The following IQGAP1 variants were observed in gnomAD, a reference collection of about 807,000 sequenced individuals.
The protein encoded by IQGAP1 is IQ motif containing GTPase activating protein 1.
A neutral mutation model predicts 215.6 loss-of-function variants in IQGAP1; 66 were observed. The ratio of observed to expected loss-of-function variants is 0.31; its 90% CI spans 0.25 to 0.38. The LOEUF is 0.38. Among genes scored for constraint, IQGAP1 ranks in the 10% least tolerant of loss-of-function variants. The pLI, the probability that IQGAP1 is intolerant of heterozygous loss-of-function variation, is 1.00. For synonymous variants in IQGAP1, 772 were observed against 728.7 expected, an observed-to-expected ratio of 1.06 and a Z score of -0.96; for missense variants, 1,712 against 1,997.1, an observed-to-expected ratio of 0.86 and a Z score of 2.72.
intron 2 of IQGAP1, among the ~76,000 whole-genome samples, chr15:90,409,924 T>A (rs1409080262): frequency 2.6e-5 from 4 of 152,248 alleles, no homozygotes; most frequent in Non-Finnish European, 5.9e-5. Context: ...TTTTCATGTG[T>A]CTGTTGGCTG....
Position 90,465,614 on chromosome 15 carries a change from C to G in IQGAP1, c.1777-387C>G, listed in dbSNP as rs542428753. ...AACCTCCTGGGCTCAAGCAATCCTG[C>G]CTCAGCCTCCCTAGTAGCTGGGACT... On this transcript the variant is annotated intron_variant, in intron 15 of 37. Coordinates refer to ENST00000268182, the MANE Select transcript of IQGAP1 (RefSeq NM_003870.4). Among the ~76,000 whole-genome samples, 9 of 152,164 alleles carry G rather than the reference C, an allele frequency of 5.9e-5. 1 individual carries two copies. Among genetic ancestry groups the G allele is most frequent in the Admixed American group, 5.9e-4 (9 of 15,280 alleles).
intron 2 of IQGAP1, among the ~76,000 whole-genome samples, chr15:90,398,616 A>G (rs1294817055): frequency 6.6e-6 from 1 of 152,220 alleles, no homozygotes; most frequent in Non-Finnish European, 1.5e-5. Context: ...ACTGAGTATC[A>G]TAGCCCAGTC....
At chr15:90,434,402 C>A (rs2151016929) in intron 5 of IQGAP1, among the ~76,000 whole-genome samples, 1 of 151,842 alleles carries the variant, frequency 6.6e-6, no homozygotes, top group South Asian at 2.1e-4. Context: ...TGCACCATTG[C>A]ACTCCAGCCT....
intron 13 of IQGAP1, 58 bp from the exon 14 acceptor site, chr15:90,454,370 C>T: frequency 6.2e-7 from 1 of 1,603,206 alleles, no homozygotes; most frequent in Non-Finnish European, 8.5e-7. Flanking sequence ...AATCTTTGTT[C>T]CTTGAATATT....
chr15:90,495,929 T>C (rs1966266647), intron 36 of IQGAP1, among the ~76,000 whole-genome samples: 1 of 143,734 alleles, frequency 7.0e-6, no homozygotes, highest in Non-Finnish European at 1.5e-5. Context: ...TATTATGTTA[T>C]TATTATTATT....
At chr15:90,474,014 AT>A in intron 21 of IQGAP1, 47 bp downstream of exon 21, 1 of 1,607,886 alleles carries the variant, frequency 6.2e-7, no homozygotes. Flanking sequence ...ATTTTGCCAT[AT>A]TTTTGGTAGA....
Position 90,408,646 on chromosome 15 carries a change from T to C in IQGAP1, c.156-17464T>C, listed in dbSNP as rs976164069. Among the ~76,000 whole-genome samples, 6 of 152,168 alleles carry C rather than the reference T, an allele frequency of 3.9e-5. No homozygotes were observed. The East Asian group carries it at 5.8e-4, about 15-fold the overall frequency. On this transcript the variant is annotated intron_variant, in intron 2 of 37. Coordinates refer to ENST00000268182, the MANE Select transcript of IQGAP1 (RefSeq NM_003870.4). Reference sequence around the variant, plus strand: ...GGTGGGGCTGATCACCTAAAAGTTATACTAAACCTTGTATTCTTTGTGGGC... The same window carrying C: ...GGTGGGGCTGATCACCTAAAAGTTACACTAAACCTTGTATTCTTTGTGGGC...
chr15:90,464,817 A>C (rs1965808583), intron 15 of IQGAP1, among the ~76,000 whole-genome samples: 1 of 151,614 alleles, frequency 6.6e-6, no homozygotes, highest in South Asian at 2.1e-4. Flanking sequence ...ACGCCACTGC[A>C]CTCCAGTCTG....
At position 90,477,760 on chromosome 15, in the gene IQGAP1, C is replaced by T. The variant is rs1368802484; in HGVS notation, c.3200C>T (p.Ala1067Val). ...AACCGTGGTGCCCGTGGCCAGAATG[C>T]CCTGAGACAGATCTTGGCCCCAGTC... ...SFNRGARGQN[A>V]LRQILAPVVK... The change falls in exon 26 of 38, where the codon GCC becomes GTC. Residue 1067 changes from alanine to valine, a missense_variant. By Grantham distance (64) the Ala-to-Val change is moderately conservative. Transcript: ENST00000268182. The T allele has an allele frequency of 2.5e-6, 4 of 1,613,342 alleles. No individual in the cohort carries two copies. Among genetic ancestry groups the T allele is most frequent in the East Asian group, 2.2e-5 (1 of 44,886 alleles).
At chr15:90,496,573 G>A (rs924551264) in intron 36 of IQGAP1, 5 of 151,924 alleles carry the variant, frequency 3.3e-5, no homozygotes, top group East Asian at 1.9e-4. Flanking sequence ...CGCCCGCCTC[G>A]GTCTCCCAAA....
At chr15:90,424,026 C>CTT (rs397824844) in intron 2 of IQGAP1, among the ~76,000 whole-genome samples, 40 of 146,404 alleles carry the variant, frequency 2.7e-4, no homozygotes, top group East Asian at 5.9e-4. Context: ...AAATAAGTAA[C>CTT]TTTTTTTTTT....
At chr15:90,428,256 T>G (rs1178231188) in intron 3 of IQGAP1, among the ~76,000 whole-genome samples, 1 of 152,014 alleles carries the variant, frequency 6.6e-6, no homozygotes, top group Non-Finnish European at 1.5e-5. Context: ...CAAATTTTAG[T>G]GTAGAGATGG....
intron 2 of IQGAP1, among the ~76,000 whole-genome samples, chr15:90,420,893 C>T (rs938894367): frequency 1.3e-5 from 2 of 152,206 alleles, no homozygotes; most frequent in African/African-American, 4.8e-5. Flanking sequence ...TGGCTCACGC[C>T]TATAATCCCA....
intron 1 of IQGAP1, among the ~76,000 whole-genome samples, chr15:90,388,883 G>A (rs1964593302): frequency 6.6e-6 from 1 of 152,154 alleles, no homozygotes; most frequent in African/African-American, 2.4e-5. Context: ...TCCTGGGCAA[G>A]TCACTTCAGT....
chr15:90,439,995 G>A (rs1171753796), intron 6 of IQGAP1, among the ~76,000 whole-genome samples: 1 of 152,110 alleles, frequency 6.6e-6, no homozygotes, highest in African/African-American at 2.4e-5. Flanking sequence ...TTTAAAAATT[G>A]GTAAGAAAGT....
intron 15 of IQGAP1, 116 bp downstream of exon 15, chr15:90,456,431 A>G (rs1881059620): frequency 2.0e-6 from 2 of 990,364 alleles, no homozygotes; most frequent in African/African-American, 3.3e-5. Flanking sequence ...GGGCACCCTT[A>G]GATTCAAAGC....
chr15:90,487,659 G>T, intron 33 of IQGAP1, 77 bp downstream of exon 33: 1 of 976,346 alleles, frequency 1.0e-6, no homozygotes, highest in Non-Finnish European at 1.6e-6. Context: ...AGAAAGGAGG[G>T]GAGACACAAA....
chr15:90,474,335 G>GCC, intron 22 of IQGAP1, 150 bp from the exon 23 acceptor site: 1 of 768,470 alleles, frequency 1.3e-6, no homozygotes, highest in East Asian at 2.6e-5. Context: ...CATAGCAATA[G>GCC]CCTGACACAG....
intron 2 of IQGAP1, among the ~76,000 whole-genome samples, chr15:90,412,606 A>G (rs1964982509): frequency 6.6e-6 from 1 of 152,160 alleles, no homozygotes; most frequent in Non-Finnish European, 1.5e-5. Context: ...AGAATGCTTT[A>G]TGGAATACTC....
Sources: allele counts gnomAD v4.1 joint callset (sites outside exome capture counted in the v4.1 genomes callset), GRCh38; gene constraint gnomAD v4.1.1; transcripts MANE v1.5; gene names NCBI Gene and HGNC (gene_info 2026-07-23, HGNC 2026-07-21).